The following NDST3 variants were observed in gnomAD, a reference collection of about 807,000 sequenced individuals.
NDST3 encodes N-deacetylase and N-sulfotransferase 3.
Under a neutral mutation model 96.1 loss-of-function variants are expected in NDST3, and 58 were observed. The observed-to-expected ratio is 0.60, with a 90% CI of 0.49 to 0.75. The LOEUF is 0.75. Among genes scored for constraint, NDST3 ranks in the 30% least tolerant of loss-of-function variants. The probability of loss-of-function intolerance (pLI) is 0.00; values close to 1 mark genes in which losing one functional copy is unlikely to be tolerated. For missense variants in NDST3, 788 were observed against 1,034.2 expected (o/e 0.76, Z 3.27); for synonymous variants, 333 against 359.7 (o/e 0.93, Z 0.84).
At chr4:118,149,298 A>G (rs1734202452) in intron 6 of NDST3, among the ~76,000 whole-genome samples, 1 of 152,100 alleles carries the variant, frequency 6.6e-6, no homozygotes, top group African/African-American at 2.4e-5. Context: ...GAAGAAAGTC[A>G]TTGGTAGCTT....
Position 118,138,104 on chromosome 4 carries a change from G to C in NDST3, c.1275G>C (p.Ser425=). 1 of 1,613,268 alleles carries C rather than the reference G, an allele frequency of 6.2e-7. No individual in the cohort carries two copies. The highest frequency in any genetic ancestry group is 1.3e-5 in the African/African-American group (1 of 74,932). Residue 425 remains serine, a synonymous_variant, in exon 5 of 14, where the codon TCG becomes TCC. Coordinates refer to ENST00000296499, the MANE Select transcript of NDST3 (RefSeq NM_004784.3). ...GCTACGCTGTGGCCCCTCACCATTC[G>C]GGCGTCTACCCTGTACATGTTCAGC... ...DMGYAVAPHH[S]GVYPVHVQLY...
At chr4:118,243,335 T>C (rs1485572254) in intron 12 of NDST3, among the ~76,000 whole-genome samples, 2 of 152,102 alleles carry the variant, frequency 1.3e-5, no homozygotes, top group African/African-American at 4.8e-5. Flanking sequence ...ACAAATCAAA[T>C]ATAGAGACAC....
At chr4:118,057,218 A>G (rs1381776987) in intron 2 of NDST3, among the ~76,000 whole-genome samples, 1 of 152,056 alleles carries the variant, frequency 6.6e-6, no homozygotes, top group African/African-American at 2.4e-5. Flanking sequence ...GGATGACTTT[A>G]GGATTTTTGG....
chr4:118,252,566 G>A (rs1741815918), intron 12 of NDST3, among the ~76,000 whole-genome samples: 1 of 152,126 alleles, frequency 6.6e-6, no homozygotes, highest in Admixed American at 6.5e-5. Flanking sequence ...ATTTTAATGT[G>A]CTATTATTAT....
chr4:118,227,516 G>A (rs1017373231), intron 8 of NDST3, among the ~76,000 whole-genome samples: 4 of 151,672 alleles, frequency 2.6e-5, no homozygotes, highest in African/African-American at 7.3e-5. Context: ...TGCTAAGAAA[G>A]GTGTTTATTC....
intron 2 of NDST3, among the ~76,000 whole-genome samples, chr4:118,064,207 A>T (rs1243073459): frequency 3.9e-5 from 6 of 152,202 alleles, no homozygotes; most frequent in Admixed American, 1.3e-4. Context: ...ATGTACTCAG[A>T]TTTTAAAGTC....
chr4:118,065,160 G>C (rs1390881133), intron 2 of NDST3, among the ~76,000 whole-genome samples: 1 of 152,034 alleles, frequency 6.6e-6, no homozygotes, highest in Non-Finnish European at 1.5e-5. Context: ...GGAGGTAAAG[G>C]AGATATTATT....
At chr4:118,123,645 T>C (rs912334225) in intron 4 of NDST3, among the ~76,000 whole-genome samples, 5 of 152,146 alleles carry the variant, frequency 3.3e-5, no homozygotes, top group African/African-American at 1.2e-4. Context: ...AAAGTACAAG[T>C]GTTTACATGA....
intron 8 of NDST3, among the ~76,000 whole-genome samples, chr4:118,232,717 GA>G (rs1253848245): frequency 2.0e-5 from 3 of 150,610 alleles, no homozygotes; most frequent in African/African-American, 7.4e-5. Flanking sequence ...AAGATAAAAA[GA>G]AAACTGAGAC....
intron 2 of NDST3, among the ~76,000 whole-genome samples, chr4:118,078,480 G>T (rs1324212558): frequency 2.0e-5 from 3 of 152,100 alleles, no homozygotes. Context: ...GGCCGGGCAC[G>T]GTGGCTCACA....
Position 118,255,697 on chromosome 4 carries a change from G to A in NDST3, c.2607G>A (p.Leu869=), listed in dbSNP as rs747415416. The change falls in exon 14 of 14, where the codon CTG becomes CTA. Residue 869 remains leucine (L), a synonymous_variant. Coordinates refer to ENST00000296499, the MANE Select transcript of NDST3 (RefSeq NM_004784.3). The part of the protein sequence containing the change: ...QPLPSWLRQE[L]QKVR ...TGCCATCCTGGCTGAGACAGGAGCT[G>A]CAGAAAGTAAGATAGCACTGAGAGA... The A allele has an allele frequency of 6.2e-6, 10 of 1,612,628 alleles. No individual in the cohort carries two copies. The African/African-American group carries it at 6.7e-5, about 11-fold the overall frequency.
chr4:118,114,782 T>A, intron 3 of NDST3, 24 bp from the exon 4 acceptor site: 1 of 1,528,146 alleles, frequency 6.5e-7, no homozygotes. Context: ...TGGAATTAAT[T>A]GGATAATATT....
At chr4:118,147,708 T>C (rs928390485) in intron 6 of NDST3, among the ~76,000 whole-genome samples, 10 of 152,176 alleles carry the variant, frequency 6.6e-5, no homozygotes, top group Non-Finnish European at 4.4e-5. Flanking sequence ...GCAGTAATAG[T>C]TAATTAATAT....
At chr4:118,162,353 T>A (rs1028072629) in intron 6 of NDST3, among the ~76,000 whole-genome samples, 9 of 152,070 alleles carry the variant, frequency 5.9e-5, no homozygotes, top group African/African-American at 2.2e-4. Context: ...CAAACTATAC[T>A]ACAAGGCTAC....
intron 6 of NDST3, among the ~76,000 whole-genome samples, chr4:118,209,983 G>A (rs1201102818): frequency 6.6e-6 from 1 of 152,126 alleles, no homozygotes; most frequent in Non-Finnish European, 1.5e-5. Flanking sequence ...TAAGACCATT[G>A]TAATTACACA....
At chr4:118,214,021 A>AACAT (rs1739025268) in intron 6 of NDST3, among the ~76,000 whole-genome samples, 1 of 152,208 alleles carries the variant, frequency 6.6e-6, no homozygotes, top group Non-Finnish European at 1.5e-5. Flanking sequence ...TAGCAAGAGG[A>AACAT]ACGTATAACA....
chr4:118,139,344 T>C (rs781168109), intron 5 of NDST3, among the ~76,000 whole-genome samples: 50 of 152,232 alleles, frequency 3.3e-4, no homozygotes, highest in Non-Finnish European at 6.6e-4. Context: ...GCATGAATCA[T>C]GCAGGTAATC....
chr4:118,211,707 T>C (rs1172814368), intron 6 of NDST3, among the ~76,000 whole-genome samples: 1 of 152,234 alleles, frequency 6.6e-6, no homozygotes, highest in East Asian at 1.9e-4. Context: ...GCATTCACTA[T>C]GAACCATGGT....
intron 6 of NDST3, among the ~76,000 whole-genome samples, chr4:118,160,119 T>C (rs1380481420): frequency 6.6e-6 from 1 of 151,984 alleles, no homozygotes; most frequent in Non-Finnish European, 1.5e-5. Flanking sequence ...GAAAAGGTTA[T>C]AATAAAAATG....
Sources: gnomAD v4.1 joint callset for allele counts (sites outside exome capture counted in the v4.1 genomes callset) on GRCh38, gnomAD v4.1.1 for gene constraint, MANE v1.5 for transcripts, NCBI Gene and HGNC (gene_info 2026-07-23, HGNC 2026-07-21) for gene names.